The following NEMP2 variants were observed in gnomAD, a reference collection of about 807,000 sequenced individuals.
NEMP2 encodes the protein nuclear envelope integral membrane protein 2.
NEMP2 carries 53 observed loss-of-function variants against 54.2 expected under a neutral mutation model. That is an observed-to-expected ratio of 0.98 (90% CI 0.78 to 1.23). NEMP2 has a LOEUF of 1.23. Among genes scored for constraint, NEMP2 ranks in the 50% most tolerant of loss-of-function variants. The pLI, the probability that NEMP2 is intolerant of heterozygous loss-of-function variation, is 0.00. For missense variants in NEMP2, 455 were observed against 511.3 expected, an observed-to-expected ratio of 0.89 and a Z score of 1.06; for synonymous variants, 197 against 190.3, an observed-to-expected ratio of 1.04 and a Z score of -0.29.
chr2:190,511,075 T>C (rs149733984), intron 7 of NEMP2, among the ~76,000 whole-genome samples: 5 of 152,308 alleles, frequency 3.3e-5, no homozygotes, highest in East Asian at 1.9e-4. Context: ...CCTAAGGTAT[T>C]TGAGAATCAA....
At chr2:190,491,047 G>C in the NEMP2 span, among the ~76,000 whole-genome samples, 2 of 152,144 alleles carry the variant, frequency 1.3e-5, no homozygotes, top group Admixed American at 6.5e-5. This position sits in a 1 kb window ranked among gnomAD's most constrained non-coding sequence, Gnocchi z 4.2. Context: ...ATAAGATGTA[G>C]TTAAAGTTGT....
Position 190,512,739 on chromosome 2 carries a change from C to T in NEMP2, c.953+1714G>A, listed in dbSNP as rs1690411232. The stretch of plus-strand genomic sequence containing the variant: ...GATGTTGGGGGACCAGCCTCACTGA[C>T]AAAAGACCTCTGGTGTTCCGAGTCA... On this transcript the variant is annotated intron_variant, in intron 7 of 8. Transcript: ENST00000409150. This position sits in a 1 kb window ranked among gnomAD's most constrained non-coding sequence, Gnocchi z 4.5. Among the ~76,000 whole-genome samples the T allele has an allele frequency of 6.6e-6, 1 of 152,214 alleles. No individual in the cohort carries two copies. Among genetic ancestry groups the T allele is most frequent in the Admixed American group, 6.5e-5 (1 of 15,288 alleles).
At position 190,509,396 on chromosome 2, in the gene NEMP2, C is replaced by T; in HGVS notation, c.1131-84G>A. On this transcript the variant is annotated intron_variant, in intron 8 of 8. Coordinates refer to ENST00000409150, the MANE Select transcript of NEMP2 (RefSeq NM_001142645.2). This position sits in a 1 kb window ranked among gnomAD's most constrained non-coding sequence, Gnocchi z 6.1. ...GATAACATGTTCCCTTGCTATTTAT[C>T]CCCTTTAATTAAATTTGACTTTGCA... 2 of 1,450,332 alleles carry T rather than the reference C, an allele frequency of 1.4e-6. No homozygotes were observed. The highest frequency in any genetic ancestry group is 4.1e-5 in the Admixed American group (2 of 48,830). 89.8% of individuals were successfully genotyped at this position (1,450,332 alleles called of 1,614,324 possible).
the NEMP2 span, among the ~76,000 whole-genome samples, chr2:190,577,146 A>G: frequency 1.5e-4 from 23 of 152,200 alleles, no homozygotes; most frequent in Admixed American, 6.5e-5. The surrounding 1 kb of genome is among the most constrained non-coding windows in gnomAD (Gnocchi z 4.8). Flanking sequence ...GAAAAATGGA[A>G]TACAGAGTTG....
chr2:190,580,965 A>G, the NEMP2 span, among the ~76,000 whole-genome samples: 1 of 152,234 alleles, frequency 6.6e-6, no homozygotes, highest in Non-Finnish European at 1.5e-5. The surrounding 1 kb of genome is among the most constrained non-coding windows in gnomAD (Gnocchi z 5.3). Flanking sequence ...TGAATCAGAA[A>G]TAATTGGATT....
chr2:190,480,146 C>T, the NEMP2 span, among the ~76,000 whole-genome samples: 2 of 152,160 alleles, frequency 1.3e-5, no homozygotes, highest in Non-Finnish European at 2.9e-5. Flanking sequence ...CTGGGTGACA[C>T]AGTGAGACCC....
the NEMP2 span, among the ~76,000 whole-genome samples, chr2:190,467,192 C>G: frequency 6.6e-6 from 1 of 152,214 alleles, no homozygotes; most frequent in Non-Finnish European, 1.5e-5. This position sits in a 1 kb window ranked among gnomAD's most constrained non-coding sequence, Gnocchi z 5.5. Flanking sequence ...TCCACCCTGG[C>G]TCAGTAAGAG....
chr2:190,625,101 T>C, the NEMP2 span: 4 of 152,224 alleles, frequency 2.6e-5, no homozygotes, highest in African/African-American at 4.8e-5. Context: ...ATGCCAGTGC[T>C]AGGTATACAC....
chr2:190,512,296 C>G lies in NEMP2; in HGVS notation c.954-1759G>C, dbSNP rs1690395279. On this transcript the variant is annotated intron_variant, in intron 7 of 8. Transcript: ENST00000409150. The surrounding 1 kb of genome is among the most constrained non-coding windows in gnomAD (Gnocchi z 4.5). ...CTCATCTACTTCATAGGTCACTGTACAGGTTAAATGAGATATTTTGTGTAG... is the reference window on the plus strand; with the variant it reads ...CTCATCTACTTCATAGGTCACTGTAGAGGTTAAATGAGATATTTTGTGTAG... 6.6e-6 allele frequency among the ~76,000 whole-genome samples: 1 copy of G among 152,122 alleles called. No individual in the cohort carries two copies. Among genetic ancestry groups the G allele is most frequent in the Non-Finnish European group, 1.5e-5 (1 of 68,008 alleles).
chr2:190,516,438 A>G, intron 5 of NEMP2, 54 bp from the exon 6 acceptor site: 1 of 1,289,046 alleles, frequency 7.8e-7, no homozygotes, highest in Non-Finnish European at 1.1e-6. Flanking sequence ...ACTCTCATAA[A>G]AATAAAAGCA....
At position 190,522,070 on chromosome 2, in the gene NEMP2, G is replaced by C. The variant is rs1011823290; in HGVS notation, c.214-2887C>G. 6.6e-6 allele frequency among the ~76,000 whole-genome samples: 1 copy of C among 152,150 alleles called. No homozygotes were observed. Among genetic ancestry groups the C allele is most frequent in the Non-Finnish European group, 1.5e-5 (1 of 68,034 alleles). ...CTGATTGTCTACAAGGGTTGGATAG[G>C]AATTAATAGAGGGAGGAGGGAAAGT... is the stretch of plus-strand genomic sequence containing the variant. On this transcript the variant is annotated intron_variant, in intron 2 of 8. Coordinates refer to ENST00000409150, the MANE Select transcript of NEMP2 (RefSeq NM_001142645.2). This position sits in a 1 kb window ranked among gnomAD's most constrained non-coding sequence, Gnocchi z 5.0.
At position 190,531,985 on chromosome 2, in the gene NEMP2, A is replaced by G. The variant is rs541189176; in HGVS notation, c.97+2574T>C. Among the ~76,000 whole-genome samples the G allele has an allele frequency of 6.6e-6, 1 of 152,112 alleles. No homozygotes were observed. Among genetic ancestry groups the G allele is most frequent in the Admixed American group, 6.6e-5 (1 of 15,258 alleles). ...GACATGGCCCTCATATGGGGAAAAAAAATATCTTCAGATGAAACTAGAATG... is the reference window on the plus strand; with the variant it reads ...GACATGGCCCTCATATGGGGAAAAAGAATATCTTCAGATGAAACTAGAATG... On this transcript the variant is annotated intron_variant, in intron 1 of 8. Transcript: ENST00000409150. This position sits in a 1 kb window ranked among gnomAD's most constrained non-coding sequence, Gnocchi z 4.7.
chr2:190,471,835 C>T, the NEMP2 span, among the ~76,000 whole-genome samples: 2 of 152,196 alleles, frequency 1.3e-5, no homozygotes, highest in African/African-American at 2.4e-5. The surrounding 1 kb of genome is among the most constrained non-coding windows in gnomAD (Gnocchi z 4.7). Flanking sequence ...CTGGGAGGCA[C>T]CCCCCAGTAG....
At chr2:190,568,057 A>C in the NEMP2 span, 1 of 152,246 alleles carries the variant, frequency 6.6e-6, no homozygotes, top group African/African-American at 2.4e-5. This position sits in a 1 kb window ranked among gnomAD's most constrained non-coding sequence, Gnocchi z 4.7. Flanking sequence ...CTTATGTCTC[A>C]TGTATCCTTT....
chr2:190,438,680 C>T, the NEMP2 span, among the ~76,000 whole-genome samples: 12 of 152,292 alleles, frequency 7.9e-5, no homozygotes, highest in African/African-American at 2.9e-4. The surrounding 1 kb of genome is among the most constrained non-coding windows in gnomAD (Gnocchi z 5.2). Flanking sequence ...TACGACATGT[C>T]TGTTCCTAAA....
chr2:190,536,564 C>T (rs906048234), upstream of NEMP2, among the ~76,000 whole-genome samples: 54 of 152,174 alleles, frequency 3.5e-4, no homozygotes, highest in African/African-American at 1.3e-3. Context: ...CTGCCTAAAA[C>T]CAAGGCAGGA....
At chr2:190,560,448 C>T in the NEMP2 span, among the ~76,000 whole-genome samples, 1 of 152,210 alleles carries the variant, frequency 6.6e-6, no homozygotes, top group Non-Finnish European at 1.5e-5. This position sits in a 1 kb window ranked among gnomAD's most constrained non-coding sequence, Gnocchi z 5.4. Context: ...CTCATTTCTA[C>T]TTGCATGTTA....
At chr2:190,564,900 A>G in the NEMP2 span, among the ~76,000 whole-genome samples, 1 of 152,348 alleles carries the variant, frequency 6.6e-6, no homozygotes, top group East Asian at 1.9e-4. The surrounding 1 kb of genome is among the most constrained non-coding windows in gnomAD (Gnocchi z 4.2). Context: ...AGGTTAACTG[A>G]TGTAAAAGGA....
At position 190,509,740 on chromosome 2, in the gene NEMP2, C is replaced by A. The variant is rs1041383339; in HGVS notation, c.1131-428G>T. 2.0e-5 allele frequency among the ~76,000 whole-genome samples: 3 copies of A among 152,176 alleles called. No homozygotes were observed. The highest frequency in any genetic ancestry group is 4.4e-5 in the Non-Finnish European group (3 of 68,034). On this transcript the variant is annotated intron_variant, in intron 8 of 8. Coordinates refer to ENST00000409150, the MANE Select transcript of NEMP2 (RefSeq NM_001142645.2). This position sits in a 1 kb window ranked among gnomAD's most constrained non-coding sequence, Gnocchi z 6.1. ...TGGGACAGACGTCTTTCTTAGTGAA[C>A]TTTAAAAATGATTTTCCAGCTGGGT...
Sources: gnomAD v4.1 joint callset for allele counts (sites outside exome capture counted in the v4.1 genomes callset) on GRCh38, gnomAD v4.1.1 for gene constraint, Gnocchi (gnomAD v3.1) non-coding constraint, MANE v1.5 for transcripts, NCBI Gene and HGNC (gene_info 2026-07-23, HGNC 2026-07-21) for gene names.